Variants in AMPH observed in about 807,000 individuals in gnomAD.
AMPH encodes the protein amphiphysin (Stiff-Mann syndrome with breast cancer 128kD autoantigen).
Under a neutral mutation model 99.1 loss-of-function variants are expected in AMPH, and 49 were observed. That is an observed-to-expected ratio of 0.49 (90% CI 0.39 to 0.63). The LOEUF (loss-of-function observed/expected upper bound fraction) is 0.63. Among genes scored for constraint, AMPH ranks in the 20% least tolerant of loss-of-function variants. The pLI is 0.00. For synonymous variants in AMPH, 314 were observed against 317.3 expected, an observed-to-expected ratio of 0.99 and a Z score of 0.11; for missense variants, 759 against 863.4, an observed-to-expected ratio of 0.88 and a Z score of 1.52.
At chr7:38,456,178 G>A (rs1435402014) in intron 11 of AMPH, among the ~76,000 whole-genome samples, 2 of 152,140 alleles carry the variant, frequency 1.3e-5, no homozygotes, top group Non-Finnish European at 2.9e-5. Context: ...GACACTTTGT[G>A]GACAAATCCC....
intron 7 of AMPH, among the ~76,000 whole-genome samples, chr7:38,467,469 C>T (rs1227695596): frequency 1.3e-5 from 2 of 152,124 alleles, no homozygotes; most frequent in African/African-American, 4.8e-5. Context: ...TCAACTGGGA[C>T]AGTAATTCTT....
At chr7:38,488,916 C>G (rs1188978517) in intron 5 of AMPH, among the ~76,000 whole-genome samples, 2 of 152,150 alleles carry the variant, frequency 1.3e-5, no homozygotes, top group African/African-American at 4.8e-5. Context: ...AATACCCATA[C>G]TACCCAAAGT....
At chr7:38,510,801 T>G (rs1789508544) in intron 2 of AMPH, among the ~76,000 whole-genome samples, 1 of 152,128 alleles carries the variant, frequency 6.6e-6, no homozygotes, top group African/African-American at 2.4e-5. Context: ...TGTTGATAAA[T>G]GAGGATAATG....
At chr7:38,597,677 G>A (rs773982829) in intron 1 of AMPH, among the ~76,000 whole-genome samples, 1 of 152,156 alleles carries the variant, frequency 6.6e-6, no homozygotes, top group Non-Finnish European at 1.5e-5. Context: ...CTCACAGGAT[G>A]TGACATTAAT....
intron 1 of AMPH, among the ~76,000 whole-genome samples, chr7:38,615,554 G>C (rs1793844328): frequency 6.6e-6 from 1 of 152,082 alleles, no homozygotes; most frequent in Admixed American, 6.5e-5. Flanking sequence ...CTGCAAAAAA[G>C]AGTAACAAAA....
At chr7:38,394,643 G>A (rs931838930) in intron 17 of AMPH, among the ~76,000 whole-genome samples, 8 of 152,170 alleles carry the variant, frequency 5.3e-5, no homozygotes, top group Admixed American at 2.6e-4. Flanking sequence ...CTAAGCTTGG[G>A]AACGGAGTCA....
At chr7:38,497,261 T>C (rs1420045824) in intron 3 of AMPH, among the ~76,000 whole-genome samples, 1 of 152,094 alleles carries the variant, frequency 6.6e-6, no homozygotes, top group Non-Finnish European at 1.5e-5. Flanking sequence ...TCAGAGTAAT[T>C]TGGAACATCA....
At chr7:38,402,348 T>C (rs1337658076) in intron 17 of AMPH, among the ~76,000 whole-genome samples, 1 of 152,252 alleles carries the variant, frequency 6.6e-6, no homozygotes, top group Non-Finnish European at 1.5e-5. Flanking sequence ...AACTTTTAAC[T>C]CTGGCATGCA....
rs376648900 is a variant in AMPH at position 38,441,856 on chromosome 7, A to ATC, written c.1018-5469_1018-5468insGA. ...ATATCATATATCATATATATCATAT[A>ATC]TATCATATATATCATATATATATCA... On this transcript the variant is annotated intron_variant, in intron 11 of 20. Coordinates refer to ENST00000356264, the MANE Select transcript of AMPH (RefSeq NM_001635.4). Among the ~76,000 whole-genome samples, 12 of 113,426 alleles carry ATC rather than the reference A, an allele frequency of 1.1e-4. No individual in the cohort carries two copies. In the East Asian group the frequency reaches 3.2e-3, roughly 30 times the overall value. The allele number at this position is 113,426 out of a possible 152,430, so 74.4% of individuals were successfully genotyped here.
At chr7:38,610,295 AG>A (rs1793600339) in intron 1 of AMPH, among the ~76,000 whole-genome samples, 2 of 16,004 alleles carry the variant, frequency 1.2e-4, no homozygotes, top group Non-Finnish European at 1.3e-4. Context: ...AAAGAAAGAA[AG>A]AAAAGAAAAG....
chr7:38,612,760 C>CACTT (rs1214694202), intron 1 of AMPH, among the ~76,000 whole-genome samples: 2 of 152,136 alleles, frequency 1.3e-5, no homozygotes, highest in Admixed American at 6.5e-5. Context: ...CTCTTTAGAA[C>CACTT]ACTTGGGTGT....
intron 2 of AMPH, among the ~76,000 whole-genome samples, chr7:38,506,352 T>A (rs1789323757): frequency 6.6e-6 from 1 of 152,016 alleles, no homozygotes; most frequent in Admixed American, 6.6e-5. Flanking sequence ...TACAGAAACA[T>A]TTCAGAAAAA....
At chr7:38,416,259 G>T (rs1334461458) in intron 17 of AMPH, among the ~76,000 whole-genome samples, 1 of 151,800 alleles carries the variant, frequency 6.6e-6, no homozygotes, top group Non-Finnish European at 1.5e-5. Context: ...GGTGTGGGAG[G>T]TATATGAACA....
intron 11 of AMPH, among the ~76,000 whole-genome samples, chr7:38,457,933 G>C (rs1042433836): frequency 1.3e-5 from 2 of 151,828 alleles, no homozygotes; most frequent in Non-Finnish European, 2.9e-5. Flanking sequence ...CATTTTGTAT[G>C]TGTGTGTGTA....
chr7:38,456,236 C>T lies in AMPH; in HGVS notation c.1017+5047G>A, dbSNP rs537947791. Among the ~76,000 whole-genome samples the T allele has an allele frequency of 3.9e-5, 6 of 152,310 alleles. No individual in the cohort carries two copies. The South Asian group carries it at 1.0e-3, about 26-fold the overall frequency. ...GCGGGACCAAGGCACAAGGAAACTACGTGTCCCACAGCTACCTCCCTACAC... is the reference window on the plus strand; with the variant it reads ...GCGGGACCAAGGCACAAGGAAACTATGTGTCCCACAGCTACCTCCCTACAC... On this transcript the variant is annotated intron_variant, in intron 11 of 20. Coordinates refer to ENST00000356264, the MANE Select transcript of AMPH (RefSeq NM_001635.4).
intron 7 of AMPH, among the ~76,000 whole-genome samples, chr7:38,470,945 T>G (rs1787859865): frequency 6.6e-6 from 1 of 152,164 alleles, no homozygotes; most frequent in African/African-American, 2.4e-5. Context: ...TTTTCTGCAT[T>G]GAACTTATTG....
At chr7:38,458,909 G>A (rs1309440848) in intron 11 of AMPH, among the ~76,000 whole-genome samples, 3 of 152,082 alleles carry the variant, frequency 2.0e-5, no homozygotes, top group African/African-American at 7.2e-5. Context: ...ATTCAAATTG[G>A]ATAAGAAGAA....
intron 1 of AMPH, among the ~76,000 whole-genome samples, chr7:38,598,440 T>C (rs529243591): frequency 1.3e-5 from 2 of 152,238 alleles, no homozygotes; most frequent in African/African-American, 4.8e-5. Context: ...GTAGCTGGGA[T>C]TACAGGTGCC....
intron 13 of AMPH, among the ~76,000 whole-genome samples, chr7:38,431,396 A>C (rs543503071): frequency 6.6e-6 from 1 of 152,144 alleles, no homozygotes. Context: ...AGTGGCTCAC[A>C]CCTGTAATCC....
Sources: allele counts gnomAD v4.1 joint callset (sites outside exome capture counted in the v4.1 genomes callset), GRCh38; gene constraint gnomAD v4.1.1; transcripts MANE v1.5; gene names NCBI Gene and HGNC (gene_info 2026-07-23, HGNC 2026-07-21).